KHDRBS2: variants seen among roughly 807,000 people sequenced by gnomAD.
KHDRBS2 encodes the protein KH RNA binding domain containing, signal transduction associated 2, also known as KH domain-containing, RNA-binding, signal transduction-associated protein 2.
In KHDRBS2, 26 loss-of-function variants were observed where a neutral mutation model predicts 44.3. That is an observed-to-expected ratio of 0.59 (90% confidence interval 0.43 to 0.81). KHDRBS2 has a LOEUF of 0.81. Among genes scored for constraint, KHDRBS2 ranks in the 40% least tolerant of loss-of-function variants. The pLI, the probability that KHDRBS2 is intolerant of heterozygous loss-of-function variation, is 0.00. For synonymous variants in KHDRBS2, 194 were observed against 151.1 expected (o/e 1.28, Z -2.08); for missense variants, 476 against 433.1 (o/e 1.10, Z -0.88).
At chr6:61,813,359 A>G (rs554520688) in intron 6 of KHDRBS2, among the ~76,000 whole-genome samples, 49 of 152,258 alleles carry the variant, frequency 3.2e-4, no homozygotes, top group Non-Finnish European at 5.7e-4. Flanking sequence ...TTGGAACCCA[A>G]CTATATAGTT....
In KHDRBS2 at chr6:61,827,615, A is replaced by G. The variant is rs541067682; in HGVS notation, c.810+67020T>C. On this transcript the variant is annotated intron_variant, in intron 6 of 8. Transcript: ENST00000281156. ...ACTCGGGTTGCCTTAACAAAACACC[A>G]TAGACTGGGTGGATTAAACAACAGA... Among the ~76,000 whole-genome samples the G allele has an allele frequency of 2.0e-5, 3 of 152,260 alleles. No homozygotes were observed. The East Asian group carries it at 5.8e-4, about 29-fold the overall frequency.
At chr6:61,766,023 C>A (rs924492418) in intron 6 of KHDRBS2, among the ~76,000 whole-genome samples, 3 of 151,882 alleles carry the variant, frequency 2.0e-5, no homozygotes, top group African/African-American at 7.2e-5. Context: ...CTTCCGTCCT[C>A]TATTTTTCTG....
At chr6:62,226,449 G>T (rs1424994220) in intron 1 of KHDRBS2, among the ~76,000 whole-genome samples, 2 of 151,918 alleles carry the variant, frequency 1.3e-5, no homozygotes, top group Non-Finnish European at 2.9e-5. Context: ...TTGTCAGATG[G>T]GTAGATTGCA....
chr6:62,222,617 C>T (rs1831093817), intron 1 of KHDRBS2, among the ~76,000 whole-genome samples: 1 of 152,102 alleles, frequency 6.6e-6, no homozygotes, highest in African/African-American at 2.4e-5. Flanking sequence ...GGGGACACAG[C>T]CAAACCATAT....
At chr6:61,980,742 C>T (rs1486193438) in intron 3 of KHDRBS2, among the ~76,000 whole-genome samples, 1 of 152,158 alleles carries the variant, frequency 6.6e-6, no homozygotes, top group East Asian at 1.9e-4. Context: ...AACAACAGAG[C>T]TCTCAGGCTG....
chr6:61,917,210 G>A (rs1032986026), intron 4 of KHDRBS2, among the ~76,000 whole-genome samples: 7 of 151,730 alleles, frequency 4.6e-5, no homozygotes, highest in African/African-American at 1.7e-4. Context: ...CCTTCAGTAG[G>A]TGAATGGACA....
chr6:61,781,667 C>A (rs1782951044), intron 6 of KHDRBS2, among the ~76,000 whole-genome samples: 1 of 152,036 alleles, frequency 6.6e-6, no homozygotes, highest in Non-Finnish European at 1.5e-5. Flanking sequence ...GTGTAGTGGT[C>A]AAGTCAGGGC....
intron 2 of KHDRBS2, among the ~76,000 whole-genome samples, chr6:62,135,702 T>TAC (rs911332490): frequency 4.6e-5 from 7 of 151,718 alleles, no homozygotes; most frequent in Admixed American, 6.6e-5. Context: ...TGTGCAAATA[T>TAC]ACACACACAC....
intron 2 of KHDRBS2, among the ~76,000 whole-genome samples, chr6:62,089,962 G>A (rs1470730172): frequency 2.0e-5 from 3 of 152,036 alleles, no homozygotes; most frequent in Non-Finnish European, 4.4e-5. Flanking sequence ...GAACTGCAAC[G>A]TCTGCATGTT....
rs562992745 is a variant in KHDRBS2, at chr6:62,210,475, C to A, written c.92-33163G>T. Among the ~76,000 whole-genome samples the A allele has an allele frequency of 1.9e-4, 29 of 152,010 alleles. No individual in the cohort carries two copies. The South Asian group carries it at 4.6e-3, about 24-fold the overall frequency. On this transcript the variant is annotated intron_variant, in intron 1 of 8. Coordinates refer to ENST00000281156, the MANE Select transcript of KHDRBS2 (RefSeq NM_152688.4). Reference sequence around the variant, plus strand: ...CCCCCAGAGTCACTGGGATTACAGGCACACACCACCACACCCGGCTAATTT... The same window carrying A: ...CCCCCAGAGTCACTGGGATTACAGGAACACACCACCACACCCGGCTAATTT...
chr6:61,645,414 G>A, the KHDRBS2 span, among the ~76,000 whole-genome samples: 2 of 151,384 alleles, frequency 1.3e-5, no homozygotes, highest in South Asian at 4.2e-4. Flanking sequence ...ACAAACTCTT[G>A]TGAGATGAAT....
intron 4 of KHDRBS2, among the ~76,000 whole-genome samples, chr6:61,954,861 TAC>T (rs1766010551): frequency 9.5e-6 from 1 of 105,030 alleles, no homozygotes; most frequent in Non-Finnish European, 2.1e-5. Context: ...CATGTGTATA[TAC>T]ACATACATAT....
chr6:61,894,616 A>G lies in KHDRBS2; in HGVS notation c.810+19T>C. On this transcript the variant is annotated intron_variant, in intron 6 of 8. Transcript: ENST00000281156. ...TCAATTTAACTCATCCTTACAACTT[A>G]TTTCTTAAGAGTACTTACATATTCT... The G allele has an allele frequency of 6.3e-7, 1 of 1,597,528 alleles. No homozygotes were observed. Among genetic ancestry groups the G allele is most frequent in the Non-Finnish European group, 8.5e-7 (1 of 1,170,150 alleles).
At chr6:61,665,412 C>A in the KHDRBS2 span, among the ~76,000 whole-genome samples, 10 of 151,082 alleles carry the variant, frequency 6.6e-5, no homozygotes, top group Non-Finnish European at 3.0e-5. Context: ...TCAGAAAAAC[C>A]AGGGAGAAGA....
At chr6:61,826,391 T>A (rs1030528510) in intron 6 of KHDRBS2, among the ~76,000 whole-genome samples, 133 of 152,204 alleles carry the variant, frequency 8.7e-4, no homozygotes, top group African/African-American at 3.1e-3. Context: ...TCTGCTCTCT[T>A]CTGATGGGCC....
chr6:61,696,741 T>G (rs1228750577), intron 8 of KHDRBS2, among the ~76,000 whole-genome samples: 4 of 152,278 alleles, frequency 2.6e-5, no homozygotes, highest in South Asian at 2.1e-4. Context: ...GACTATCAAT[T>G]TTTTTGAGCC....
At chr6:62,141,102 A>T (rs939041421) in intron 2 of KHDRBS2, among the ~76,000 whole-genome samples, 1 of 152,218 alleles carries the variant, frequency 6.6e-6, no homozygotes, top group African/African-American at 2.4e-5. Context: ...ACATTTTCAA[A>T]ATATATGCAA....
At chr6:61,979,138 C>T (rs1773332982) in intron 3 of KHDRBS2, among the ~76,000 whole-genome samples, 1 of 151,942 alleles carries the variant, frequency 6.6e-6, no homozygotes, top group African/African-American at 2.4e-5. Flanking sequence ...TCATTTTGTA[C>T]ATATTCACAT....
intron 1 of KHDRBS2, among the ~76,000 whole-genome samples, chr6:62,222,644 C>T (rs1430122328): frequency 6.6e-6 from 1 of 152,100 alleles, no homozygotes; most frequent in Non-Finnish European, 1.5e-5. Flanking sequence ...TCCCCTGGCC[C>T]CTCCCAAATC....
Sources: gnomAD v4.1 joint callset for allele counts (sites outside exome capture counted in the v4.1 genomes callset) on GRCh38, gnomAD v4.1.1 for gene constraint, MANE v1.5 for transcripts, NCBI Gene and HGNC (gene_info 2026-07-23, HGNC 2026-07-21) for gene names.